NKIRAS1: variants seen among roughly 807,000 people sequenced by gnomAD.
The protein encoded by NKIRAS1 is NFKB inhibitor interacting Ras like 1.
Under a neutral mutation model 19.8 loss-of-function variants are expected in NKIRAS1, and 16 were observed. The observed-to-expected ratio is 0.81, with a 90% confidence interval of 0.55 to 1.23. The LOEUF is 1.23. Among genes scored for constraint, NKIRAS1 ranks in the 50% most tolerant of loss-of-function variants. The pLI, the probability that NKIRAS1 is intolerant of heterozygous loss-of-function variation, is 0.00. For missense variants in NKIRAS1, 184 were observed against 220.0 expected, an observed-to-expected ratio of 0.84 and a Z score of 1.04; for synonymous variants, 88 against 79.0, an observed-to-expected ratio of 1.11 and a Z score of -0.61.
chr3:23,908,459 C>T (rs2125406842), intron 3 of NKIRAS1, among the ~76,000 whole-genome samples: 1 of 152,256 alleles, frequency 6.6e-6, no homozygotes, highest in South Asian at 2.1e-4. Context: ...TATATTTCAA[C>T]TGAAACACCT....
chr3:23,920,309 C>G (rs1204513675), upstream of NKIRAS1: 1 of 985,756 alleles, frequency 1.0e-6, no homozygotes, highest in Admixed American at 6.1e-5. Context: ...TTAGTCCAGT[C>G]AGTCTTAAAA....
chr3:23,910,744 C>G, intron 3 of NKIRAS1, 67 bp downstream of exon 3: 1 of 1,148,498 alleles, frequency 8.7e-7, no homozygotes, highest in Non-Finnish European at 1.3e-6. Context: ...TTTAGTTTAG[C>G]ATGACCAACA....
chr3:23,933,989 C>T (rs1217421669), intron 1 of NKIRAS1, among the ~76,000 whole-genome samples: 2 of 152,314 alleles, frequency 1.3e-5, no homozygotes. Context: ...GAGGGGTCTG[C>T]CCTCGTGACT....
chr3:23,938,909 T>G (rs1000397903), intron 1 of NKIRAS1, among the ~76,000 whole-genome samples: 5 of 152,220 alleles, frequency 3.3e-5, no homozygotes, highest in African/African-American at 1.2e-4. Context: ...TGTAGAGATC[T>G]TGTGGAGAAG....
intron 1 of NKIRAS1, chr3:23,945,993 C>G: frequency 1.7e-6 from 1 of 587,206 alleles, no homozygotes; most frequent in Non-Finnish European, 2.1e-6. Flanking sequence ...CTCCCTGACC[C>G]ACATTCCCCG....
rs116255569 is a variant in NKIRAS1 at position 23,903,705 on chromosome 3, A to G, written c.95-2656T>C. 5.5e-3 allele frequency among the ~76,000 whole-genome samples: 842 copies of G among 152,334 alleles called. 6 individuals are homozygous for G. The highest frequency in any genetic ancestry group is 0.018 in the African/African-American group (762 of 41,576). ...AGAGATGATAAACAGGAAAGGGGCA[A>G]TAAGAAAATTCAAGGACTAGTCCAG... On this transcript the variant is annotated intron_variant, in intron 3 of 4. Transcript: ENST00000425478.
intron 3 of NKIRAS1, among the ~76,000 whole-genome samples, chr3:23,907,779 G>A (rs541065748): frequency 6.6e-6 from 1 of 152,218 alleles, no homozygotes; most frequent in African/African-American, 2.4e-5. Context: ...CAAGCCTTGA[G>A]TATATATCTT....
At chr3:23,897,895 AG>A (rs1702135709) in intron 4 of NKIRAS1, among the ~76,000 whole-genome samples, 1 of 152,266 alleles carries the variant, frequency 6.6e-6, no homozygotes, top group Admixed American at 6.5e-5. Context: ...CCCTGTACCT[AG>A]AACAATGCCT....
chr3:23,933,605 A>G (rs985227385), intron 1 of NKIRAS1, among the ~76,000 whole-genome samples: 1 of 152,210 alleles, frequency 6.6e-6, no homozygotes, highest in Non-Finnish European at 1.5e-5. Context: ...AAGTGTCTAC[A>G]TGCAAAGAAT....
At chr3:23,918,243 C>A, upstream of NKIRAS1, 2 of 901,660 alleles carry the variant, frequency 2.2e-6, no homozygotes, top group Non-Finnish European at 3.3e-6. Context: ...CAGACTAAAG[C>A]AAAATAAACA....
intron 3 of NKIRAS1, among the ~76,000 whole-genome samples, chr3:23,907,548 T>C (rs538684212): frequency 6.6e-6 from 1 of 152,322 alleles, no homozygotes; most frequent in South Asian, 2.1e-4. Flanking sequence ...CCAAAGCCAT[T>C]TGCATTTTCC....
At chr3:23,921,541 G>A, upstream of NKIRAS1, 1 of 643,452 alleles carries the variant, frequency 1.6e-6, no homozygotes, top group East Asian at 3.0e-5. Context: ...ATATTGGCAT[G>A]TAATTCACAC....
At chr3:23,920,368 T>C (rs1705009521), upstream of NKIRAS1, 7 of 985,372 alleles carry the variant, frequency 7.1e-6, no homozygotes, top group South Asian at 2.8e-4. Context: ...ACAGAAAAAG[T>C]CACAAGCGCA....
chr3:23,921,845 G>A (rs1040891825), upstream of NKIRAS1: 1 of 522,466 alleles, frequency 1.9e-6, no homozygotes, highest in Non-Finnish European at 3.4e-6. Flanking sequence ...AAAGTGCTGG[G>A]ATTACAGGCG....
intron 1 of NKIRAS1, among the ~76,000 whole-genome samples, chr3:23,933,322 T>C (rs1213319329): frequency 6.6e-6 from 1 of 152,220 alleles, no homozygotes; most frequent in Non-Finnish European, 1.5e-5. Flanking sequence ...TTCTTGTAAA[T>C]TACTCTATCC....
intron 4 of NKIRAS1, among the ~76,000 whole-genome samples, chr3:23,894,135 A>G (rs567248801): frequency 2.0e-5 from 3 of 152,354 alleles, no homozygotes; most frequent in South Asian, 2.1e-4. Context: ...GCCAATAGGA[A>G]CATTTTACAC....
At chr3:23,919,727 T>C, upstream of NKIRAS1, 1 of 1,348,254 alleles carries the variant, frequency 7.4e-7, no homozygotes. Context: ...TAGGGAGTTG[T>C]ATGTCAGTGT....
intron 3 of NKIRAS1, among the ~76,000 whole-genome samples, chr3:23,909,860 T>TG (rs1553643366): frequency 2.4e-4 from 28 of 118,848 alleles, no homozygotes; most frequent in African/African-American, 7.5e-4. Flanking sequence ...TTTTGTTTTT[T>TG]TTTGTTTTTT....
chr3:23,937,958 C>A (rs960231655), intron 1 of NKIRAS1, among the ~76,000 whole-genome samples: 5 of 151,978 alleles, frequency 3.3e-5, no homozygotes, highest in Non-Finnish European at 5.9e-5. Context: ...ATTATTAAGA[C>A]AATAAGAGAC....
Sources: allele counts gnomAD v4.1 joint callset (sites outside exome capture counted in the v4.1 genomes callset), GRCh38; gene constraint gnomAD v4.1.1; transcripts MANE v1.5; gene names NCBI Gene and HGNC (gene_info 2026-07-23, HGNC 2026-07-21).